RCOR3: variants seen among roughly 807,000 people sequenced by gnomAD.
RCOR3 encodes REST corepressor 3.
In RCOR3, 13 loss-of-function variants were observed where a neutral mutation model predicts 64.1. That is an observed-to-expected ratio of 0.20 (90% CI 0.13 to 0.32). The LOEUF is 0.32. Ranked by LOEUF, RCOR3 falls within the 10% of genes least tolerant of loss-of-function variation. The pLI is 1.00. For missense variants in RCOR3, 489 were observed against 701.2 expected (o/e 0.70, Z 3.42); for synonymous variants, 215 against 239.0 (o/e 0.90, Z 0.93).
At chr1:211,275,081 C>T (rs1474470094) in intron 4 of RCOR3, among the ~76,000 whole-genome samples, 1 of 151,030 alleles carries the variant, frequency 6.6e-6, no homozygotes, top group Non-Finnish European at 1.5e-5. Flanking sequence ...TGGTACATTA[C>T]CCTTAGTAAT....
rs549716881 is a variant in RCOR3, at chr1:211,314,586, T to C, written c.*818T>C. The stretch of plus-strand genomic sequence containing the variant: ...TGAAATATAATCTCTTTAAGTTCCT[T>C]GAAAATGGAGTTGGTTTTTTTTGTT... On this transcript the variant is annotated 3_prime_UTR_variant, in exon 12 of 12. Transcript: ENST00000419091. The C allele has an allele frequency of 6.6e-6, 1 of 152,328 alleles. No homozygotes were observed. The highest frequency in any genetic ancestry group is 1.5e-5 in the Non-Finnish European group (1 of 68,012). 9.4% of individuals were successfully genotyped at this position (152,328 alleles called of 1,614,324 possible).
intron 9 of RCOR3, among the ~76,000 whole-genome samples, chr1:211,299,044 G>A (rs532739866): frequency 7.6e-4 from 115 of 152,040 alleles, no homozygotes; most frequent in Non-Finnish European, 1.3e-3. Flanking sequence ...AGAGAAGTTT[G>A]TCTTTTAAAT....
Position 211,313,730 on chromosome 1 carries a change from A to G in RCOR3, c.1624A>G (p.Ile542Val), listed in dbSNP as rs1701715914. The G allele has an allele frequency of 1.2e-6, 2 of 1,614,232 alleles. No homozygotes were observed. The highest frequency in any genetic ancestry group is 1.7e-6 in the Non-Finnish European group (2 of 1,180,050). Residue 542 changes from isoleucine to valine, a missense_variant, in exon 12 of 12, where the codon ATT becomes GTT. Ile to Val is a conservative substitution (Grantham distance 29, BLOSUM62 3). This residue lies in a region of RCOR3 where 402 missense variants were observed against 617.0 expected (regional missense o/e 0.65). Transcript: ENST00000419091. The surrounding 1 kb of genome is among the most constrained non-coding windows in gnomAD (Gnocchi z 4.7). ...TGGTGGTCAACAGCCACCATCACTT[A>G]TTGGAATTCAGACAGATTCACAGTC... ...TVGGQQPPSL[I>V]GIQTDSQSSL...
chr1:211,260,591 G>T (rs993237096), intron 2 of RCOR3, among the ~76,000 whole-genome samples: 1 of 152,258 alleles, frequency 6.6e-6, no homozygotes. Flanking sequence ...GCGGGTGGCA[G>T]AGGCCAGGGC....
intron 1 of RCOR3, 187 bp from the exon 2 acceptor site, chr1:211,259,921 T>C: frequency 1.7e-6 from 1 of 598,806 alleles, no homozygotes; most frequent in Non-Finnish European, 2.3e-6. Flanking sequence ...ATCCTCCGCC[T>C]TTGCCCCCCC....
intron 6 of RCOR3, among the ~76,000 whole-genome samples, 186 bp downstream of exon 6, chr1:211,278,427 T>C (rs1439559162): frequency 6.6e-6 from 1 of 152,238 alleles, no homozygotes; most frequent in Non-Finnish European, 1.5e-5. Context: ...TTCACCTCTT[T>C]TAATTTTAAT....
chr1:211,310,930 A>G (rs1439667597), intron 10 of RCOR3, among the ~76,000 whole-genome samples: 2 of 152,196 alleles, frequency 1.3e-5, no homozygotes, highest in Non-Finnish European at 2.9e-5. Context: ...AGCGTCCCTT[A>G]TGAAAATTAG....
At position 211,263,641 on chromosome 1, in the gene RCOR3, T is replaced by C. The variant is rs145179358; in HGVS notation, c.223+3477T>C. 1.6e-3 allele frequency among the ~76,000 whole-genome samples: 250 copies of C among 152,310 alleles called. 1 individual carries two copies. The highest frequency in any genetic ancestry group is 5.8e-3 in the African/African-American group (243 of 41,562). On this transcript the variant is annotated intron_variant, in intron 2 of 11. Coordinates refer to ENST00000419091, the MANE Select transcript of RCOR3 (RefSeq NM_001136223.3). Reference sequence around the variant, plus strand: ...TCAATCAAATGTAGATTATTAGTTATTGGGCATTTTTTACAGGGAAATACT... The same window carrying C: ...TCAATCAAATGTAGATTATTAGTTACTGGGCATTTTTTACAGGGAAATACT...
In RCOR3 at chr1:211,289,292, A is replaced by T; in HGVS notation, c.835A>T (p.Met279Leu). Residue 279 changes from methionine (M) to leucine (L), a missense_variant, in exon 8 of 12, where the codon ATG becomes TTG. Met to Leu is a conservative substitution (Grantham distance 15, BLOSUM62 2). Around this residue, in one of 2 missense-constraint regions of RCOR3, gnomAD observed 402 missense variants for 617.0 expected, o/e 0.65. Coordinates refer to ENST00000419091, the MANE Select transcript of RCOR3 (RefSeq NM_001136223.3). ...TTCTAAGTGCCGTCCACCTAAGGGCATGTATTTAACCCAGGAAGATGTGGT... is the reference window on the plus strand; with the variant it reads ...TTCTAAGTGCCGTCCACCTAAGGGCTTGTATTTAACCCAGGAAGATGTGGT... ...QRSKCRPPKG[M>L]YLTQEDVVAV... The T allele has an allele frequency of 6.2e-7, 1 of 1,614,170 alleles. No homozygotes were observed. The highest frequency in any genetic ancestry group is 8.5e-7 in the Non-Finnish European group (1 of 1,180,032).
At chr1:211,265,462 A>C (rs531414898) in intron 2 of RCOR3, among the ~76,000 whole-genome samples, 12 of 152,184 alleles carry the variant, frequency 7.9e-5, no homozygotes, top group Non-Finnish European at 1.5e-4. Flanking sequence ...TCACGCCTGT[A>C]ATCCTGGCAC....
intron 10 of RCOR3, among the ~76,000 whole-genome samples, chr1:211,304,575 A>G (rs751442594): frequency 6.6e-6 from 1 of 152,198 alleles, no homozygotes; most frequent in Non-Finnish European, 1.5e-5. Context: ...AATATTAACT[A>G]TATGTTTAAC....
intron 5 of RCOR3, among the ~76,000 whole-genome samples, chr1:211,276,991 C>A (rs1251878611): frequency 1.3e-5 from 2 of 150,588 alleles, no homozygotes; most frequent in African/African-American, 4.9e-5. Flanking sequence ...GAGGCTGAGG[C>A]AGAAGAATAG....
At chr1:211,286,498 G>A (rs1175028376) in intron 7 of RCOR3, among the ~76,000 whole-genome samples, 1 of 151,920 alleles carries the variant, frequency 6.6e-6, no homozygotes, top group Non-Finnish European at 1.5e-5. Context: ...TAATAGAGAT[G>A]GGGTTTCACC....
At position 211,259,368 on chromosome 1, in the gene RCOR3, T is replaced by C. The variant is rs1017187491; in HGVS notation, c.-193T>C. 4.8e-5 allele frequency: 24 copies of C among 501,734 alleles called. No homozygotes were observed. The Admixed American group carries it at 8.0e-4, about 17-fold the overall frequency. The allele number at this position is 501,734 out of a possible 1,614,324, so 31.1% of individuals were successfully genotyped here. A position where few individuals can be genotyped will look rare whatever the true frequency, so the allele number is the denominator to read the frequency against. On this transcript the variant is annotated 5_prime_UTR_variant, in exon 1 of 12. Transcript: ENST00000419091. ...GGAGAGAGGCGGGGCCGGGGCGGGT[T>C]GTTGTGAGGCGACTGCGCTACTGCC...
chr1:211,312,697 G>A lies in RCOR3; in HGVS notation c.1076-23G>A. 2.0e-6 allele frequency: 3 copies of A among 1,533,580 alleles called. No individual in the cohort carries two copies. Among genetic ancestry groups the A allele is most frequent in the Non-Finnish European group, 2.7e-6 (3 of 1,107,068 alleles). The allele number at this position is 1,533,580 out of a possible 1,614,324, so 95.0% of individuals were successfully genotyped here. A position where few individuals can be genotyped will look rare whatever the true frequency, so the allele number is the denominator to read the frequency against. On this transcript the variant is annotated intron_variant, in intron 10 of 11. Coordinates refer to ENST00000419091, the MANE Select transcript of RCOR3 (RefSeq NM_001136223.3). This position sits in a 1 kb window ranked among gnomAD's most constrained non-coding sequence, Gnocchi z 5.0. ...CTCTCCTTATTGATCCTTCACAGGT[G>A]TATTATTTACTTTGCCTTCCAGGTG... is the stretch of plus-strand genomic sequence containing the variant.
intron 10 of RCOR3, among the ~76,000 whole-genome samples, chr1:211,306,359 T>TC (rs1426129374): frequency 1.3e-5 from 2 of 152,066 alleles, no homozygotes; most frequent in African/African-American, 4.8e-5. Flanking sequence ...TTTTGTTTTT[T>TC]CTTTTTTTAA....
chr1:211,313,104 C>A lies in RCOR3; in HGVS notation c.1317+143C>A. On this transcript the variant is annotated intron_variant, in intron 11 of 11. Transcript: ENST00000419091. The surrounding 1 kb of genome is among the most constrained non-coding windows in gnomAD (Gnocchi z 4.7). ...TACACTTCTTCAGTGGTGCATCTCT[C>A]GTGACTCTTAAGTCATAATGACATG... 6.5e-7 allele frequency: 1 copy of A among 1,527,886 alleles called. No homozygotes were observed. The highest frequency in any genetic ancestry group is 8.7e-7 in the Non-Finnish European group (1 of 1,144,298). 94.6% of individuals were successfully genotyped at this position (1,527,886 alleles called of 1,614,324 possible). A position where few individuals can be genotyped will look rare whatever the true frequency, so the allele number is the denominator to read the frequency against.
At chr1:211,295,208 T>C (rs964292628) in intron 8 of RCOR3, among the ~76,000 whole-genome samples, 4 of 152,114 alleles carry the variant, frequency 2.6e-5, no homozygotes, top group African/African-American at 9.7e-5. Context: ...GCAGAACTGA[T>C]TGTACTTACC....
chr1:211,280,611 TCCA>T (rs1168500260), intron 7 of RCOR3, among the ~76,000 whole-genome samples: 11 of 152,196 alleles, frequency 7.2e-5, no homozygotes, highest in Non-Finnish European at 1.5e-4. Context: ...CTACTCTTTC[TCCA>T]CCAGTTATCC....
Sources: gnomAD v4.1 joint callset for allele counts (sites outside exome capture counted in the v4.1 genomes callset) on GRCh38, gnomAD v4.1.1 for gene constraint, gnomAD v4.1.1 regional missense constraint, Gnocchi (gnomAD v3.1) non-coding constraint, MANE v1.5 for transcripts, NCBI Gene and HGNC (gene_info 2026-07-23, HGNC 2026-07-21) for gene names.